The following EIF3H variants were observed in gnomAD, a reference collection of about 807,000 sequenced individuals.
The protein encoded by EIF3H is eukaryotic translation initiation factor 3 subunit H.
In EIF3H, 26 loss-of-function variants were observed where a neutral mutation model predicts 44.2. The ratio of observed to expected loss-of-function variants is 0.59; its 90% CI spans 0.43 to 0.82. The LOEUF (loss-of-function observed/expected upper bound fraction) is 0.82. Among genes scored for constraint, EIF3H ranks in the 40% least tolerant of loss-of-function variants. The pLI is 0.00. For missense variants in EIF3H, 359 were observed against 432.8 expected (o/e 0.83, Z 1.51); for synonymous variants, 166 against 151.9 (o/e 1.09, Z -0.68).
intron 2 of EIF3H, among the ~76,000 whole-genome samples, chr8:116,700,627 T>G (rs1814359634): frequency 6.6e-6 from 1 of 152,188 alleles, no homozygotes; most frequent in Non-Finnish European, 1.5e-5. Context: ...GGCTTACTGT[T>G]CCTGTTTCTA....
chr8:116,719,050 G>A (rs1196682110), intron 2 of EIF3H, among the ~76,000 whole-genome samples: 1 of 152,154 alleles, frequency 6.6e-6, no homozygotes, highest in Non-Finnish European at 1.5e-5. Flanking sequence ...TCCAGTATCT[G>A]TATATCTAGA....
chr8:116,755,867 T>C (rs902637995), upstream of EIF3H: 11 of 1,593,604 alleles, frequency 6.9e-6, no homozygotes, highest in East Asian at 2.2e-5. Flanking sequence ...TCGCGTGACG[T>C]CACTCGCAGG....
intron 1 of EIF3H, among the ~76,000 whole-genome samples, chr8:116,751,128 C>A (rs1283343508): frequency 6.6e-6 from 1 of 151,648 alleles, no homozygotes; most frequent in African/African-American, 2.4e-5. Context: ...AGGAGAATGG[C>A]GTGAACCCGG....
chr8:116,739,091 G>GAA (rs1815087721), intron 1 of EIF3H, among the ~76,000 whole-genome samples: 1 of 152,182 alleles, frequency 6.6e-6, no homozygotes, highest in African/African-American at 2.4e-5. Flanking sequence ...CAGTTTACTG[G>GAA]AATAAGAGCA....
At chr8:116,757,597 T>C (rs1390554230), upstream of EIF3H, among the ~76,000 whole-genome samples, 1 of 152,052 alleles carries the variant, frequency 6.6e-6, no homozygotes, top group Non-Finnish European at 1.5e-5. Flanking sequence ...ATCAATATAT[T>C]ATTTAAAATG....
intron 1 of EIF3H, among the ~76,000 whole-genome samples, chr8:116,747,507 G>T (rs576728859): frequency 6.6e-6 from 1 of 152,320 alleles, no homozygotes; most frequent in East Asian, 1.9e-4. Context: ...TTTGGTGCTT[G>T]AAAGGATTTC....
At chr8:116,718,821 C>A (rs1238026263) in intron 2 of EIF3H, among the ~76,000 whole-genome samples, 3 of 151,760 alleles carry the variant, frequency 2.0e-5, no homozygotes, top group Non-Finnish European at 4.4e-5. Context: ...CAGAAATCAC[C>A]ACTAAAAAAC....
chr8:116,654,488 A>G (rs1007751552), intron 5 of EIF3H, among the ~76,000 whole-genome samples: 21 of 152,204 alleles, frequency 1.4e-4, no homozygotes, highest in African/African-American at 5.1e-4. Flanking sequence ...GTATTATATA[A>G]CTATATACTT....
chr8:116,684,422 G>A (rs1211251125), intron 2 of EIF3H, among the ~76,000 whole-genome samples: 1 of 152,098 alleles, frequency 6.6e-6, no homozygotes, highest in Non-Finnish European at 1.5e-5. Context: ...TTTTAAAGCA[G>A]TTTCCAAAAG....
chr8:116,721,898 G>T (rs1233340666), intron 2 of EIF3H, among the ~76,000 whole-genome samples: 1 of 152,202 alleles, frequency 6.6e-6, no homozygotes, highest in Non-Finnish European at 1.5e-5. Context: ...ACGATCACAG[G>T]TAGAAGGAAC....
chr8:116,686,916 G>C (rs531306099), intron 2 of EIF3H, among the ~76,000 whole-genome samples: 1 of 152,260 alleles, frequency 6.6e-6, no homozygotes, highest in South Asian at 2.1e-4. Flanking sequence ...ATAGGAGAAA[G>C]AATAAAAAAT....
chr8:116,665,096 C>A (rs1037095620), intron 2 of EIF3H, among the ~76,000 whole-genome samples: 2 of 152,154 alleles, frequency 1.3e-5, no homozygotes, highest in Non-Finnish European at 1.5e-5. Flanking sequence ...GGCTAGCCAG[C>A]CACCCATTTT....
chr8:116,644,949 T>C lies in EIF3H; in HGVS notation c.*57A>G. On this transcript the variant is annotated 3_prime_UTR_variant, in exon 8 of 8. Coordinates refer to ENST00000521861, the MANE Select transcript of EIF3H (RefSeq NM_003756.3). Reference sequence around the variant, plus strand: ...ATGCAAATATATTTCTTCCAAGAGTTGCCCTGGTGTGACTTCAAGAGTTCA... The same window carrying C: ...ATGCAAATATATTTCTTCCAAGAGTCGCCCTGGTGTGACTTCAAGAGTTCA... 1 of 1,319,262 alleles carries C rather than the reference T, an allele frequency of 7.6e-7. No individual in the cohort carries two copies. The highest frequency in any genetic ancestry group is 1.2e-5 in the South Asian group (1 of 81,738). 81.7% of individuals were successfully genotyped at this position (1,319,262 alleles called of 1,614,324 possible).
chr8:116,728,537 T>C (rs1483208350), intron 1 of EIF3H, among the ~76,000 whole-genome samples: 1 of 152,090 alleles, frequency 6.6e-6, no homozygotes, highest in African/African-American at 2.4e-5. Flanking sequence ...GTGTTATGAA[T>C]AGACCCAAAA....
At chr8:116,726,250 A>G in intron 1 of EIF3H, 78 bp from the exon 2 acceptor site, 1 of 1,483,290 alleles carries the variant, frequency 6.7e-7, no homozygotes, top group Non-Finnish European at 9.0e-7. Flanking sequence ...AAAAAACAAA[A>G]GAAACTGTAC....
chr8:116,724,776 C>T (rs1264017898), intron 2 of EIF3H, among the ~76,000 whole-genome samples: 1 of 151,968 alleles, frequency 6.6e-6, no homozygotes, highest in African/African-American at 2.4e-5. Context: ...TTATCAAACA[C>T]ACAGAAAATA....
intron 2 of EIF3H, among the ~76,000 whole-genome samples, chr8:116,662,681 C>T (rs549891098): frequency 3.2e-4 from 48 of 152,248 alleles, no homozygotes; most frequent in African/African-American, 1.2e-3. Flanking sequence ...CAAAAGCTTC[C>T]TGGTAAACCT....
In EIF3H at chr8:116,643,607, C is replaced by A. The variant is rs1020658787; in HGVS notation, c.*1399G>T. 1.3e-5 allele frequency: 2 copies of A among 152,184 alleles called. No homozygotes were observed. Among genetic ancestry groups the A allele is most frequent in the Non-Finnish European group, 2.9e-5 (2 of 68,024 alleles). The allele number at this position is 152,184 out of a possible 1,614,324, so 9.4% of individuals were successfully genotyped here. A position where few individuals can be genotyped will look rare whatever the true frequency, so the allele number is the denominator to read the frequency against. ...CACAGCCACCTTGTGAGGTAACAGA[C>A]CTGCTCTCATTTCTTATCTTATCTG... is the stretch of plus-strand genomic sequence containing the variant. On this transcript the variant is annotated 3_prime_UTR_variant, in exon 8 of 8. Transcript: ENST00000521861.
intron 1 of EIF3H, among the ~76,000 whole-genome samples, chr8:116,751,161 G>A (rs1370408583): frequency 5.9e-5 from 9 of 151,588 alleles, no homozygotes; most frequent in Non-Finnish European, 1.3e-4. Flanking sequence ...GCAGTGAGCC[G>A]AGATTGCGCC....
Sources: allele counts gnomAD v4.1 joint callset (sites outside exome capture counted in the v4.1 genomes callset), GRCh38; gene constraint gnomAD v4.1.1; transcripts MANE v1.5; gene names NCBI Gene and HGNC (gene_info 2026-07-23, HGNC 2026-07-21).